Variants in WRNIP1 observed in about 807,000 individuals in gnomAD.
WRNIP1 encodes the protein ATPase WRNIP1.
Under a neutral mutation model 56.1 loss-of-function variants are expected in WRNIP1, and 41 were observed. That is an observed-to-expected ratio of 0.73 (90% CI 0.57 to 0.95). The LOEUF (loss-of-function observed/expected upper bound fraction) is 0.95. WRNIP1 is among the 40% of genes least tolerant of loss of function. The pLI, the probability that WRNIP1 is intolerant of heterozygous loss-of-function variation, is 0.00. For missense variants in WRNIP1, 1,170 were observed against 939.4 expected (o/e 1.25, Z -3.21); for synonymous variants, 547 against 398.1 (o/e 1.37, Z -4.45).
At chr6:2,775,730 C>T (rs1346089764) in intron 3 of WRNIP1, among the ~76,000 whole-genome samples, 2 of 152,208 alleles carry the variant, frequency 1.3e-5, no homozygotes, top group East Asian at 3.8e-4. Context: ...AAGCCCTTCT[C>T]ATCAGTTGGA....
rs1423326680 is a variant in WRNIP1, at chr6:2,785,413, G to A, written c.*131G>A. ...AACATTTTGTGCCAGAAATTTAAGAGTTCCATAGGTGGAGGCGCAGTTCTT... is the reference window on the plus strand; with the variant it reads ...AACATTTTGTGCCAGAAATTTAAGAATTCCATAGGTGGAGGCGCAGTTCTT... On this transcript the variant is annotated 3_prime_UTR_variant, in exon 7 of 7. Coordinates refer to ENST00000380773, the MANE Select transcript of WRNIP1 (RefSeq NM_020135.3). 3.9e-6 allele frequency: 4 copies of A among 1,029,392 alleles called. No homozygotes were observed. Among genetic ancestry groups the A allele is most frequent in the Non-Finnish European group, 5.6e-6 (4 of 718,474 alleles). The allele number at this position is 1,029,392 out of a possible 1,614,324, so 63.8% of individuals were successfully genotyped here. A position where few individuals can be genotyped will look rare whatever the true frequency, so the allele number is the denominator to read the frequency against.
chr6:2,779,641 A>G, intron 4 of WRNIP1, 149 bp downstream of exon 4: 1 of 847,890 alleles, frequency 1.2e-6, no homozygotes, highest in Admixed American at 2.4e-5. Context: ...GCATGTTGGT[A>G]TTAAGCCTTC....
chr6:2,781,203 T>A (rs1183544135), intron 4 of WRNIP1, among the ~76,000 whole-genome samples: 2 of 152,240 alleles, frequency 1.3e-5, no homozygotes, highest in Non-Finnish European at 2.9e-5. Flanking sequence ...TCCCACTTCC[T>A]GAGCTCCACG....
chr6:2,776,267 C>G (rs1765428624), intron 3 of WRNIP1, among the ~76,000 whole-genome samples: 1 of 152,198 alleles, frequency 6.6e-6, no homozygotes, highest in South Asian at 2.1e-4. Flanking sequence ...TGGAACCTTT[C>G]CCTGCTCAGT....
chr6:2,771,275 T>G (rs2113462440), intron 3 of WRNIP1, among the ~76,000 whole-genome samples: 1 of 152,334 alleles, frequency 6.6e-6, no homozygotes. Context: ...GCTCTCCCTA[T>G]GTGTCTGGCC....
intron 4 of WRNIP1, among the ~76,000 whole-genome samples, chr6:2,782,985 C>T (rs1765599466): frequency 6.6e-6 from 1 of 152,244 alleles, no homozygotes; most frequent in African/African-American, 2.4e-5. Flanking sequence ...GCCCTTGCCA[C>T]TTGGCTCTAC....
At chr6:2,784,067 C>T (rs1765648419) in intron 5 of WRNIP1, among the ~76,000 whole-genome samples, 1 of 152,194 alleles carries the variant, frequency 6.6e-6, no homozygotes, top group Non-Finnish European at 1.5e-5. Context: ...GTTTGTTATA[C>T]AGAGACTCAT....
In WRNIP1 at chr6:2,768,841, CT is replaced by C. The variant is rs771991225; in HGVS notation, c.978del (p.Phe326LeufsTer27). 1 of 1,613,234 alleles carries C rather than the reference CT, an allele frequency of 6.2e-7. No individual in the cohort carries two copies. The highest frequency in any genetic ancestry group is 8.5e-7 in the Non-Finnish European group (1 of 1,179,658). The part of the protein sequence containing the change: ...EKSFFKRKTI[L>X]FIDEIHRFNK... ...GAGCTTTTTCAAAAGGAAAACCATC[CT>C]TTTTATTGATGAGATTCATCGGTTC... On this transcript the variant is annotated frameshift_variant, in exon 2 of 7. Coordinates refer to ENST00000380773, the MANE Select transcript of WRNIP1 (RefSeq NM_020135.3). LOFTEE classifies it high-confidence loss of function.
intron 4 of WRNIP1, among the ~76,000 whole-genome samples, chr6:2,781,294 C>G (rs1227248457): frequency 6.6e-6 from 1 of 152,364 alleles, no homozygotes; most frequent in East Asian, 1.9e-4. Flanking sequence ...GTGCCGCTGC[C>G]TAGTGCCAGC....
intron 3 of WRNIP1, among the ~76,000 whole-genome samples, chr6:2,771,738 C>G (rs563728411): frequency 1.7e-4 from 26 of 152,198 alleles, no homozygotes; most frequent in African/African-American, 6.0e-4. Flanking sequence ...ACTTCTGGTC[C>G]CAGGCACTTC....
intron 4 of WRNIP1, among the ~76,000 whole-genome samples, chr6:2,780,573 T>C (rs1156361492): frequency 3.3e-5 from 5 of 152,210 alleles, no homozygotes; most frequent in Admixed American, 3.3e-4. Flanking sequence ...CCTGCTCAGA[T>C]GGCTGGCTCT....
chr6:2,784,904 G>A, intron 6 of WRNIP1, 103 bp from the exon 7 acceptor site: 1 of 1,408,348 alleles, frequency 7.1e-7, no homozygotes, highest in Non-Finnish European at 9.7e-7. Context: ...AAAAGCATGT[G>A]GGGATCTTCT....
In WRNIP1 at chr6:2,765,768, A is replaced by C. The variant is rs1221751233; in HGVS notation, c.146A>C (p.Glu49Ala). 6.8e-7 allele frequency: 1 copy of C among 1,469,230 alleles called. No individual in the cohort carries two copies. The highest frequency in any genetic ancestry group is 9.0e-7 in the Non-Finnish European group (1 of 1,114,208). The allele number at this position is 1,469,230 out of a possible 1,614,324, so 91.0% of individuals were successfully genotyped here. A position where few individuals can be genotyped will look rare whatever the true frequency, so the allele number is the denominator to read the frequency against. ...CLLLHPAGHA[E>A]PAAGSHRAGE... ...CTGCTCCACCCGGCGGGGCACGCGG[A>C]GCCCGCGGCCGGGTCGCACCGCGCC... Residue 49 changes from glutamate (E) to alanine (A), a missense_variant, in exon 1 of 7, where the codon GAG becomes GCG. By Grantham distance (107) the Glu-to-Ala change is moderately radical. Coordinates refer to ENST00000380773, the MANE Select transcript of WRNIP1 (RefSeq NM_020135.3).
chr6:2,776,848 CA>C (rs1480076793), intron 3 of WRNIP1, among the ~76,000 whole-genome samples: 1 of 152,166 alleles, frequency 6.6e-6, no homozygotes, highest in East Asian at 1.9e-4. Context: ...GGATACATAC[CA>C]AAATACTAAC....
rs756899419 is a variant in WRNIP1, at chr6:2,785,285, C to T, written c.*3C>T. 6.2e-7 allele frequency: 1 copy of T among 1,612,170 alleles called. No homozygotes were observed. Among genetic ancestry groups the T allele is most frequent in the Non-Finnish European group, 8.5e-7 (1 of 1,178,626 alleles). On this transcript the variant is annotated 3_prime_UTR_variant, in exon 7 of 7. Coordinates refer to ENST00000380773, the MANE Select transcript of WRNIP1 (RefSeq NM_020135.3). ...TCTTCAAGCAGAGGAGGTGCTGACT[C>T]CTCAGGGCACGACAGCAGAAGGATG...
Position 2,785,511 on chromosome 6 carries a change from G to GCGGT in WRNIP1, c.*229_*230insCGGT. The GCGGT allele has an allele frequency of 9.2e-6, 5 of 541,280 alleles. No individual in the cohort carries two copies. The highest frequency in any genetic ancestry group is 1.6e-5 in the Non-Finnish European group (5 of 307,044). 33.5% of individuals were successfully genotyped at this position (541,280 alleles called of 1,614,324 possible). On this transcript the variant is annotated 3_prime_UTR_variant, in exon 7 of 7. Coordinates refer to ENST00000380773, the MANE Select transcript of WRNIP1 (RefSeq NM_020135.3). The stretch of plus-strand genomic sequence containing the variant: ...AGCGGTTATGCTTATGAAAATACCT[G>GCGGT]GCAGCTTTGTGCAATGAATTAATGT...
intron 4 of WRNIP1, among the ~76,000 whole-genome samples, chr6:2,781,445 G>A (rs1029781524): frequency 6.6e-6 from 1 of 152,178 alleles, no homozygotes; most frequent in African/African-American, 2.4e-5. Context: ...GCTTTTACAG[G>A]CTTTGCTCTA....
intron 3 of WRNIP1, 45 bp from the exon 4 acceptor site, chr6:2,779,218 T>TA: frequency 6.3e-7 from 1 of 1,588,530 alleles, no homozygotes. Context: ...GAACAAGAAG[T>TA]ATGCAGCCTG....
At position 2,786,128 on chromosome 6, in the gene WRNIP1, C is replaced by T. The variant is rs1039710962; in HGVS notation, c.*846C>T. 6.6e-6 allele frequency: 1 copy of T among 152,306 alleles called. No individual in the cohort carries two copies. Among genetic ancestry groups the T allele is most frequent in the Non-Finnish European group, 1.5e-5 (1 of 68,130 alleles). The allele number at this position is 152,306 out of a possible 1,614,324, so 9.4% of individuals were successfully genotyped here. On this transcript the variant is annotated 3_prime_UTR_variant, in exon 7 of 7. Transcript: ENST00000380773. Reference sequence around the variant, plus strand: ...CCCTACTGCTACTTCCTCTCCCTCTCCTTAGTTGCATGTCGTGCATATGCC... The same window carrying T: ...CCCTACTGCTACTTCCTCTCCCTCTTCTTAGTTGCATGTCGTGCATATGCC...
Sources: allele counts gnomAD v4.1 joint callset (sites outside exome capture counted in the v4.1 genomes callset), GRCh38; gene constraint gnomAD v4.1.1; transcripts MANE v1.5; gene names NCBI Gene and HGNC (gene_info 2026-07-23, HGNC 2026-07-21).